The following ZNG1B variants were observed in gnomAD, a reference collection of about 807,000 sequenced individuals.
ZNG1B encodes Zn regulated GTPase metalloprotein activator 1B, also known as zinc-regulated GTPase metalloprotein activator 1B.
chr2:113,483,772 G>A, the ZNG1B span, among the ~76,000 whole-genome samples: 2 of 151,866 alleles, frequency 1.3e-5, no homozygotes, highest in South Asian at 4.2e-4. Flanking sequence ...AATTTCAAAC[G>A]TGCGTAAGAG....
At chr2:113,471,171 A>G in the ZNG1B span, 3 of 1,270,946 alleles carry the variant, frequency 2.4e-6, no homozygotes, top group South Asian at 1.3e-5. Flanking sequence ...GCACAATTGC[A>G]TCCATGATTT....
the ZNG1B span, among the ~76,000 whole-genome samples, chr2:113,459,720 A>G: frequency 6.6e-6 from 1 of 151,432 alleles, no homozygotes; most frequent in Admixed American, 6.6e-5. Context: ...ATTCATTTGT[A>G]AAGTTGGCTT....
the ZNG1B span, among the ~76,000 whole-genome samples, chr2:113,478,562 T>C: frequency 0.017 from 2,419 of 144,038 alleles, no homozygotes; most frequent in African/African-American, 0.037. Context: ...ATTACATGTG[T>C]AGGCCACCAC....
the ZNG1B span, among the ~76,000 whole-genome samples, chr2:113,440,094 C>T: frequency 6.6e-6 from 1 of 151,050 alleles, no homozygotes; most frequent in East Asian, 1.9e-4. Flanking sequence ...CCGTTTTAGC[C>T]GGGATGGTCT....
At chr2:113,467,333 CAT>C in the ZNG1B span, among the ~76,000 whole-genome samples, 1 of 116,812 alleles carries the variant, frequency 8.6e-6, no homozygotes, top group Non-Finnish European at 1.7e-5. Context: ...TAGTGAACCA[CAT>C]AGATTTCAGA....
the ZNG1B span, among the ~76,000 whole-genome samples, chr2:113,485,311 C>G: frequency 7.5e-6 from 1 of 133,392 alleles, no homozygotes; most frequent in Non-Finnish European, 1.6e-5. Flanking sequence ...GAATCCTGGT[C>G]TAAGGTATTA....
At chr2:113,482,945 T>TA in the ZNG1B span, among the ~76,000 whole-genome samples, 1 of 80,542 alleles carries the variant, frequency 1.2e-5, no homozygotes, top group Admixed American at 1.6e-4. Context: ...AGATAACAGC[T>TA]ACTTGCATTT....
the ZNG1B span, among the ~76,000 whole-genome samples, chr2:113,453,649 A>T: frequency 1.5e-4 from 23 of 151,288 alleles, no homozygotes; most frequent in Non-Finnish European, 2.9e-4. Flanking sequence ...TTCACACTTT[A>T]GTTTAATGAT....
the ZNG1B span, chr2:113,437,715 G>C: frequency 6.6e-7 from 1 of 1,520,028 alleles, no homozygotes; most frequent in Non-Finnish European, 8.9e-7. Flanking sequence ...TTCTCGTCCA[G>C]AGCCCAGGTA....
the ZNG1B span, among the ~76,000 whole-genome samples, chr2:113,461,518 A>G: frequency 6.6e-6 from 1 of 152,188 alleles, no homozygotes; most frequent in African/African-American, 2.4e-5. Context: ...CAGTGAACTA[A>G]AGTGAATTCA....
the ZNG1B span, among the ~76,000 whole-genome samples, chr2:113,439,708 A>C: frequency 6.6e-6 from 1 of 151,954 alleles, no homozygotes; most frequent in Admixed American, 6.6e-5. Flanking sequence ...AAAGGTGCCA[A>C]GTGTTTTAGC....
the ZNG1B span, among the ~76,000 whole-genome samples, chr2:113,476,827 C>T: frequency 1.7e-4 from 26 of 152,336 alleles, no homozygotes; most frequent in Admixed American, 1.7e-3. Context: ...AGTTAGGCTG[C>T]TCGGGGGTCA....
At chr2:113,467,429 CAG>C in the ZNG1B span, among the ~76,000 whole-genome samples, 3 of 103,444 alleles carry the variant, frequency 2.9e-5, no homozygotes, top group African/African-American at 8.3e-5. Flanking sequence ...GTGGACTGAA[CAG>C]AGGAAAACCA....
chr2:113,490,227 G>A, the ZNG1B span, among the ~76,000 whole-genome samples: 1 of 152,208 alleles, frequency 6.6e-6, no homozygotes, highest in Non-Finnish European at 1.5e-5. Flanking sequence ...AAACCATGCC[G>A]ATACGTGGAA....
the ZNG1B span, among the ~76,000 whole-genome samples, chr2:113,476,422 G>A: frequency 2.7e-5 from 4 of 149,808 alleles, no homozygotes; most frequent in African/African-American, 1.0e-4. Context: ...CAACTTCTTT[G>A]CCTTTGGTTT....
chr2:113,466,096 T>A, the ZNG1B span: 1 of 945,448 alleles, frequency 1.1e-6, no homozygotes, highest in Non-Finnish European at 1.2e-6. Flanking sequence ...TCTACAACCA[T>A]ACACCAAATG....
At chr2:113,456,469 T>G in the ZNG1B span, among the ~76,000 whole-genome samples, 1 of 150,902 alleles carries the variant, frequency 6.6e-6, no homozygotes, top group South Asian at 2.1e-4. Context: ...TTTTTTTATT[T>G]TGATAGACTG....
the ZNG1B span, among the ~76,000 whole-genome samples, chr2:113,448,756 T>C: frequency 1.3e-5 from 2 of 151,796 alleles, no homozygotes; most frequent in Non-Finnish European, 1.5e-5. Context: ...TACCAAAAAT[T>C]AGCCTGGCTT....
the ZNG1B span, among the ~76,000 whole-genome samples, chr2:113,478,370 G>T: frequency 4.6e-5 from 7 of 151,930 alleles, no homozygotes; most frequent in Non-Finnish European, 1.0e-4. Context: ...CAACCTCCTG[G>T]GCTCAAGTGA....
Sources: allele counts gnomAD v4.1 joint callset (sites outside exome capture counted in the v4.1 genomes callset), GRCh38; gene constraint gnomAD v4.1.1; transcripts MANE v1.5; gene names NCBI Gene and HGNC (gene_info 2026-07-23, HGNC 2026-07-21).